LRP1B: variants seen among roughly 807,000 people sequenced by gnomAD.
LRP1B encodes low-density lipoprotein receptor-related protein 1B.
A neutral mutation model predicts 556.6 loss-of-function variants in LRP1B; 217 were observed. The ratio of observed to expected loss-of-function variants is 0.39; its 90% CI spans 0.35 to 0.44. The LOEUF is 0.44. Among genes scored for constraint, LRP1B ranks in the 20% least tolerant of loss-of-function variants. LRP1B has a pLI of 1.00. For missense variants in LRP1B, 5,053 were observed against 5,620.8 expected (o/e 0.90, Z 3.23); for synonymous variants, 2,047 against 1,865.8 (o/e 1.10, Z -2.50).
chr2:141,365,217 T>TTTTG lies in LRP1B; in HGVS notation c.344-110580_344-110577dup, dbSNP rs57017548. Reference sequence around the variant, plus strand: ...AAGAAAAAAAATTATGATGCATCTTTTTTGTTTGTTTGTTTGTTTGTTTGT... The same window carrying TTTTG: ...AAGAAAAAAAATTATGATGCATCTTTTTTGTTTGTTTGTTTGTTTGTTTGTTTGT... On this transcript the variant is annotated intron_variant, in intron 3 of 90. Transcript: ENST00000389484. Among the ~76,000 whole-genome samples the TTTTG allele has an allele frequency of 4.0e-3, 603 of 152,058 alleles. 4 individuals carry two copies. Among genetic ancestry groups the TTTTG allele is most frequent in the African/African-American group, 0.013 (538 of 41,452 alleles).
At chr2:141,950,786 C>T (rs1261386410) in intron 1 of LRP1B, among the ~76,000 whole-genome samples, 1 of 151,940 alleles carries the variant, frequency 6.6e-6, no homozygotes, top group East Asian at 1.9e-4. Context: ...ACTCGCATTT[C>T]TAAGAGAAAA....
At chr2:141,851,721 C>T (rs1012351787) in intron 1 of LRP1B, among the ~76,000 whole-genome samples, 6 of 151,546 alleles carry the variant, frequency 4.0e-5, no homozygotes, top group African/African-American at 7.3e-5. Context: ...ATTAAGTCCC[C>T]GAGAGTAATA....
chr2:142,114,243 C>T (rs1037134281), intron 1 of LRP1B, among the ~76,000 whole-genome samples: 1 of 152,004 alleles, frequency 6.6e-6, no homozygotes, highest in African/African-American at 2.4e-5. Flanking sequence ...TTTTATAAAA[C>T]GTATCTATAT....
intron 7 of LRP1B, among the ~76,000 whole-genome samples, chr2:141,098,248 C>T (rs1182747169): frequency 2.0e-5 from 3 of 152,034 alleles, no homozygotes; most frequent in Non-Finnish European, 4.4e-5. Flanking sequence ...ACTGGTATAA[C>T]AGGAAAATAA....
intron 2 of LRP1B, among the ~76,000 whole-genome samples, chr2:141,651,554 A>T (rs924223525): frequency 6.6e-6 from 1 of 151,962 alleles, no homozygotes; most frequent in African/African-American, 2.4e-5. Flanking sequence ...AATACCAACT[A>T]CTCAGGAGGC....
chr2:140,751,447 C>T (rs6755417), intron 35 of LRP1B, among the ~76,000 whole-genome samples: 3,190 of 152,274 alleles, frequency 0.021, 107 homozygotes, highest in African/African-American at 0.072. Flanking sequence ...TAACAGCACA[C>T]AGTGGTCCTC....
chr2:140,323,733 TTTGGTAAG>T (rs891404104), intron 81 of LRP1B, among the ~76,000 whole-genome samples, 152 bp downstream of exon 81: 8 of 151,972 alleles, frequency 5.3e-5, no homozygotes, highest in Admixed American at 2.0e-4. Flanking sequence ...TTATCTATAG[TTTGGTAAG>T]TTGAAAAAGT....
chr2:140,565,155 A>G (rs372241188), intron 43 of LRP1B, among the ~76,000 whole-genome samples: 1 of 149,990 alleles, frequency 6.7e-6, no homozygotes, highest in South Asian at 2.1e-4. Context: ...ATTGTTTATT[A>G]CGTAATAATA....
intron 3 of LRP1B, among the ~76,000 whole-genome samples, chr2:141,393,937 T>G (rs1690149046): frequency 6.6e-6 from 1 of 152,180 alleles, no homozygotes; most frequent in Admixed American, 6.5e-5. Flanking sequence ...AGATATGGAC[T>G]AGTAATTTTA....
Position 140,495,689 on chromosome 2 carries a change from A to G in LRP1B, c.8910T>C (p.Asp2970=). 2 of 1,613,990 alleles carry G rather than the reference A, an allele frequency of 1.2e-6. No homozygotes were observed. Among genetic ancestry groups the G allele is most frequent in the Non-Finnish European group, 1.7e-6 (2 of 1,179,892 alleles). Residue 2970 remains aspartate (D), a synonymous_variant, in exon 56 of 91, where the codon GAT becomes GAC. Coordinates refer to ENST00000389484, the MANE Select transcript of LRP1B (RefSeq NM_018557.3). ...KDDGKTCVDI[D]ECSSGFPCSQ... ...TACAGGGAAAGCCTGAAGAGCATTC[A>G]TCAATGTCTACACATGTTTTGCCGT...
At chr2:140,987,267 C>T (rs200667510) in intron 17 of LRP1B, among the ~76,000 whole-genome samples, 1 of 152,076 alleles carries the variant, frequency 6.6e-6, no homozygotes, top group East Asian at 1.9e-4. Flanking sequence ...TAGTGAGCAG[C>T]AGACTTCATC....
chr2:141,810,440 C>A (rs2105708036), intron 1 of LRP1B, 39 bp from the exon 2 acceptor site: 1 of 1,606,690 alleles, frequency 6.2e-7, no homozygotes. Flanking sequence ...TATGAATGAT[C>A]TGAACATGGG....
intron 2 of LRP1B, among the ~76,000 whole-genome samples, chr2:141,521,426 T>C (rs1684525910): frequency 6.6e-6 from 1 of 151,972 alleles, no homozygotes; most frequent in African/African-American, 2.4e-5. Context: ...TTTCTTCCTT[T>C]CTTTTTTCTC....
intron 1 of LRP1B, among the ~76,000 whole-genome samples, chr2:142,055,377 T>C (rs1416503549): frequency 6.6e-6 from 1 of 152,098 alleles, no homozygotes. Context: ...GTCCAACATA[T>C]TATTTACTAA....
rs77153115 is a variant in LRP1B, at chr2:140,948,825, T to C, written c.3136+1410A>G. Reference sequence around the variant, plus strand: ...TTATAATCCAAGTTCTCCAGGTAAATTAAAAAATCACACAATATGTATTTT... The same window carrying C: ...TTATAATCCAAGTTCTCCAGGTAAACTAAAAAATCACACAATATGTATTTT... On this transcript the variant is annotated intron_variant, in intron 20 of 90. Coordinates refer to ENST00000389484, the MANE Select transcript of LRP1B (RefSeq NM_018557.3). Among the ~76,000 whole-genome samples, 17 of 152,250 alleles carry C rather than the reference T, an allele frequency of 1.1e-4. No homozygotes were observed. In the South Asian group the frequency reaches 2.9e-3, roughly 26 times the overall value.
chr2:141,365,691 T>TGCCCGGGCTGGAGTGCAGTG (rs371009630), intron 3 of LRP1B, among the ~76,000 whole-genome samples: 1 of 98,032 alleles, frequency 1.0e-5, no homozygotes, highest in Non-Finnish European at 2.3e-5. Flanking sequence ...CTCGCTCTGT[T>TGCCCGGGCTGGAGTGCAGTG]GCCCGGGCTG....
intron 2 of LRP1B, among the ~76,000 whole-genome samples, chr2:141,788,445 A>G (rs1006580276): frequency 1.5e-4 from 23 of 152,184 alleles, no homozygotes; most frequent in African/African-American, 5.3e-4. Flanking sequence ...GAAGCTGTGT[A>G]AAATATTGCA....
intron 2 of LRP1B, among the ~76,000 whole-genome samples, chr2:141,736,900 CTT>C (rs1378315836): frequency 1.3e-5 from 2 of 152,118 alleles, no homozygotes; most frequent in African/African-American, 4.8e-5. Context: ...CTAATGAAGA[CTT>C]ATGAGACGCA....
At chr2:140,400,094 C>G (rs1684428123) in intron 66 of LRP1B, among the ~76,000 whole-genome samples, 2 of 152,172 alleles carry the variant, frequency 1.3e-5, no homozygotes, top group Admixed American at 1.3e-4. Flanking sequence ...GTGATGAAGA[C>G]TTTTTCTGGT....
Sources: gnomAD v4.1 joint callset for allele counts (sites outside exome capture counted in the v4.1 genomes callset) on GRCh38, gnomAD v4.1.1 for gene constraint, MANE v1.5 for transcripts, NCBI Gene and HGNC (gene_info 2026-07-23, HGNC 2026-07-21) for gene names.